The following GRHL1 variants were observed in gnomAD, a reference collection of about 807,000 sequenced individuals.
GRHL1 encodes the protein grainyhead like transcription factor 1.
A neutral mutation model predicts 75.7 loss-of-function variants in GRHL1; 38 were observed. The ratio of observed to expected loss-of-function variants is 0.50; its 90% CI spans 0.39 to 0.66. The LOEUF is 0.66. Ranked by LOEUF, GRHL1 falls within the 30% of genes least tolerant of loss-of-function variation. The probability of loss-of-function intolerance (pLI) is 0.00; values close to 1 mark genes in which losing one functional copy is unlikely to be tolerated. For synonymous variants in GRHL1, 266 were observed against 279.4 expected (o/e 0.95, Z 0.48); for missense variants, 589 against 767.5 (o/e 0.77, Z 2.75).
chr2:9,995,279 A>G (rs1163060849), intron 12 of GRHL1: 1 of 152,156 alleles, frequency 6.6e-6, no homozygotes, highest in African/African-American at 2.4e-5. Context: ...TGCCTCCTCC[A>G]TAGAGTGTTT....
At chr2:9,980,187 C>T (rs77760143) in intron 8 of GRHL1, among the ~76,000 whole-genome samples, 3,809 of 150,998 alleles carry the variant, frequency 0.025, 161 homozygotes, top group African/African-American at 0.087. Flanking sequence ...CTTTTTCCTC[C>T]TTGTTTTCTC....
rs568291722 is a variant in GRHL1 at position 9,978,920 on chromosome 2, G to A, written c.1111-7204G>A. 1.1e-4 allele frequency among the ~76,000 whole-genome samples: 17 copies of A among 152,212 alleles called. 1 individual carries two copies. In the East Asian group the frequency reaches 3.3e-3, roughly 30 times the overall value. On this transcript the variant is annotated intron_variant, in intron 8 of 15. Transcript: ENST00000324907. ...GCAGGAGAATCACTTCAACCCGGGA[G>A]GCGGAGGTTTCAGTGAGCTGAGATC...
chr2:9,970,823 AATGGTTT>A (rs1436334452), intron 8 of GRHL1, among the ~76,000 whole-genome samples: 20 of 152,206 alleles, frequency 1.3e-4, no homozygotes, highest in African/African-American at 4.6e-4. Flanking sequence ...TTTAGAGCCA[AATGGTTT>A]ATGTCATGGA....
At chr2:9,965,126 T>G in intron 7 of GRHL1, 161 bp from the exon 8 acceptor site, 1 of 534,452 alleles carries the variant, frequency 1.9e-6, no homozygotes, top group South Asian at 3.0e-5. Flanking sequence ...TCTGTGATTC[T>G]TTTTCTTCGT....
chr2:9,954,966 G>C lies in GRHL1; in HGVS notation c.72G>C (p.Arg24=), dbSNP rs767317266. ...ATGAAGCACTTTATCCACAGCGGCG[G>C]TCCTACACTAGTGAGGATGAGGCCT... ...LQNEALYPQR[R]SYTSEDEAWK... The change falls in exon 2 of 16, where the codon CGG becomes CGC. Residue 24 remains arginine, a synonymous_variant. Transcript: ENST00000324907. The C allele has an allele frequency of 2.3e-5, 37 of 1,613,298 alleles. No homozygotes were observed. Among genetic ancestry groups the C allele is most frequent in the Non-Finnish European group, 3.0e-5 (35 of 1,179,366 alleles).
intron 4 of GRHL1, among the ~76,000 whole-genome samples, chr2:9,961,661 G>C (rs13429570): frequency 6.6e-6 from 1 of 152,256 alleles, no homozygotes; most frequent in African/African-American, 2.4e-5. Flanking sequence ...CAGCAGCTGA[G>C]TTAACAATTA....
At chr2:9,979,445 C>T (rs574892679) in intron 8 of GRHL1, among the ~76,000 whole-genome samples, 1 of 152,134 alleles carries the variant, frequency 6.6e-6, no homozygotes, top group Non-Finnish European at 1.5e-5. Flanking sequence ...CGCTATGTTG[C>T]CCAGGGTGGT....
Position 9,986,257 on chromosome 2 carries a change from G to GA in GRHL1, c.1244_1245insA (p.Cys415Ter). The change falls in exon 9 of 16, where the codon TGC becomes TGAC. Residue 415 changes from cysteine to a stop codon, truncating the protein, a stop_gained and frameshift_variant. Transcript: ENST00000324907. LOFTEE classifies it high-confidence loss of function. ...AACAAGCCTGTGCACCGGGCCTACTGCCAGATCAAGGTCTTCTGTGACAAG... is the reference window on the plus strand; with the variant it reads ...AACAAGCCTGTGCACCGGGCCTACTGACCAGATCAAGGTCTTCTGTGACAAG... ...RSNKPVHRAY[C>*]QIKVFCDKGA... 6.2e-7 allele frequency: 1 copy of GA among 1,613,632 alleles called. No individual in the cohort carries two copies. The highest frequency in any genetic ancestry group is 8.5e-7 in the Non-Finnish European group (1 of 1,179,832).
chr2:9,999,695 A>C (rs1269750745), intron 15 of GRHL1, among the ~76,000 whole-genome samples: 1 of 152,166 alleles, frequency 6.6e-6, no homozygotes, highest in Non-Finnish European at 1.5e-5. Flanking sequence ...TAGTATTTTT[A>C]GTTCTTTTTT....
intron 9 of GRHL1, among the ~76,000 whole-genome samples, chr2:9,988,021 C>T (rs951197744): frequency 2.6e-5 from 4 of 152,180 alleles, no homozygotes; most frequent in Non-Finnish European, 4.4e-5. Flanking sequence ...GTACACAAAG[C>T]ACAGTGGCTG....
At chr2:9,978,170 G>A (rs1362737765) in intron 8 of GRHL1, among the ~76,000 whole-genome samples, 4 of 152,184 alleles carry the variant, frequency 2.6e-5, no homozygotes, top group African/African-American at 9.7e-5. Flanking sequence ...AGATTTGGGT[G>A]GGGACACAGC....
intron 8 of GRHL1, among the ~76,000 whole-genome samples, chr2:9,975,929 T>G (rs1355327600): frequency 1.3e-5 from 2 of 152,188 alleles, no homozygotes; most frequent in East Asian, 3.9e-4. Context: ...AAATAACTTG[T>G]GGATTTGGAC....
intron 14 of GRHL1, among the ~76,000 whole-genome samples, chr2:9,998,147 C>G (rs1050868319): frequency 9.2e-5 from 14 of 152,136 alleles, no homozygotes; most frequent in African/African-American, 3.4e-4. Context: ...TGAGGTGAAG[C>G]TGGTGATGCC....
intron 1 of GRHL1, among the ~76,000 whole-genome samples, chr2:9,953,545 C>G (rs1204850275): frequency 6.6e-6 from 1 of 152,218 alleles, no homozygotes; most frequent in East Asian, 1.9e-4. Context: ...CACCTCAAGA[C>G]TTTCTTACCA....
intron 15 of GRHL1, 138 bp downstream of exon 15, chr2:9,999,167 C>A: frequency 2.9e-6 from 1 of 342,980 alleles, no homozygotes. Context: ...CCCTCCTGTG[C>A]CAGTGACACA....
At chr2:9,998,732 GTA>G (rs200476397) in intron 14 of GRHL1, among the ~76,000 whole-genome samples, 1 of 25,448 alleles carries the variant, frequency 3.9e-5, no homozygotes, top group Non-Finnish European at 6.2e-5. Context: ...ACATATATAC[GTA>G]TATATGTACA....
At chr2:9,974,151 G>A (rs543827365) in intron 8 of GRHL1, among the ~76,000 whole-genome samples, 1 of 152,314 alleles carries the variant, frequency 6.6e-6, no homozygotes, top group South Asian at 2.1e-4. Flanking sequence ...CAGGAGACTT[G>A]GGTCCTGGCC....
chr2:9,985,545 A>G (rs945017794), intron 8 of GRHL1, among the ~76,000 whole-genome samples: 1 of 152,246 alleles, frequency 6.6e-6, no homozygotes, highest in African/African-American at 2.4e-5. Context: ...TTGATAACCA[A>G]AAGGTTAATA....
In GRHL1 at chr2:9,976,381, G is replaced by A. The variant is rs542567117; in HGVS notation, c.1111-9743G>A. Reference sequence around the variant, plus strand: ...GAACCCAGAATGAGCTGTGACCTTTGATGTCTTCTGAGCCAGGAGTGGTGG... The same window carrying A: ...GAACCCAGAATGAGCTGTGACCTTTAATGTCTTCTGAGCCAGGAGTGGTGG... On this transcript the variant is annotated intron_variant, in intron 8 of 15. Transcript: ENST00000324907. Among the ~76,000 whole-genome samples the A allele has an allele frequency of 3.3e-5, 5 of 152,288 alleles. No homozygotes were observed. In the South Asian group the frequency reaches 1.0e-3, roughly 32 times the overall value.
Sources: gnomAD v4.1 joint callset for allele counts (sites outside exome capture counted in the v4.1 genomes callset) on GRCh38, gnomAD v4.1.1 for gene constraint, MANE v1.5 for transcripts, NCBI Gene and HGNC (gene_info 2026-07-23, HGNC 2026-07-21) for gene names.